Variants in PRKCA observed in about 807,000 individuals in gnomAD.
PRKCA encodes the protein protein kinase C alpha type.
In PRKCA, 27 loss-of-function variants were observed where a neutral mutation model predicts 87.0. That is an observed-to-expected ratio of 0.31 (90% CI 0.23 to 0.43). The LOEUF (loss-of-function observed/expected upper bound fraction) is 0.43, where lower values mean the gene tolerates loss of function less well. Ranked by LOEUF, PRKCA falls within the 20% of genes least tolerant of loss-of-function variation. PRKCA has a pLI of 1.00. For synonymous variants in PRKCA, 329 were observed against 311.1 expected (o/e 1.06, Z -0.61); for missense variants, 518 against 852.3 (o/e 0.61, Z 4.88).
intron 3 of PRKCA, among the ~76,000 whole-genome samples, chr17:66,502,525 G>T (rs1387605033): frequency 6.6e-6 from 1 of 152,060 alleles, no homozygotes; most frequent in Admixed American, 6.6e-5. Context: ...GTGAGCCACT[G>T]TGTCTGGCCC....
intron 2 of PRKCA, among the ~76,000 whole-genome samples, chr17:66,379,674 T>C (rs182350066): frequency 6.6e-6 from 1 of 152,366 alleles, no homozygotes; most frequent in African/African-American, 2.4e-5. Context: ...GTATCATTCA[T>C]GAAAGACTTA....
intron 2 of PRKCA, among the ~76,000 whole-genome samples, chr17:66,473,182 C>T (rs1323108096): frequency 6.6e-6 from 1 of 152,136 alleles, no homozygotes; most frequent in Non-Finnish European, 1.5e-5. Flanking sequence ...CGGTAGCTCA[C>T]TCCTTTGACC....
At chr17:66,399,587 G>T (rs1670955414) in intron 2 of PRKCA, among the ~76,000 whole-genome samples, 1 of 152,138 alleles carries the variant, frequency 6.6e-6, no homozygotes, top group South Asian at 2.1e-4. Flanking sequence ...AACTGAAACT[G>T]TTTGCCTATC....
At chr17:66,458,575 G>A (rs749412440) in intron 2 of PRKCA, among the ~76,000 whole-genome samples, 5 of 151,882 alleles carry the variant, frequency 3.3e-5, no homozygotes, top group Non-Finnish European at 5.9e-5. Context: ...CCACTTCCTG[G>A]GCTCAAGCAA....
At chr17:66,683,442 G>A (rs997573483) in intron 5 of PRKCA, among the ~76,000 whole-genome samples, 2 of 152,308 alleles carry the variant, frequency 1.3e-5, no homozygotes, top group African/African-American at 4.8e-5. Context: ...CTGGTGCCTG[G>A]GTGTCAACCC....
intron 2 of PRKCA, among the ~76,000 whole-genome samples, chr17:66,451,405 G>A (rs995250009): frequency 6.6e-6 from 1 of 151,286 alleles, no homozygotes; most frequent in Admixed American, 6.6e-5. Context: ...CAAGTTCAGT[G>A]GAAGATGCTT....
chr17:66,555,945 G>A (rs1275100556), intron 3 of PRKCA, among the ~76,000 whole-genome samples: 2 of 151,960 alleles, frequency 1.3e-5, no homozygotes, highest in Non-Finnish European at 2.9e-5. Flanking sequence ...GTTAAATATA[G>A]AGCCTTCTCA....
At chr17:66,380,721 T>C (rs2143586217) in intron 2 of PRKCA, among the ~76,000 whole-genome samples, 1 of 152,318 alleles carries the variant, frequency 6.6e-6, no homozygotes, top group Admixed American at 6.5e-5. Flanking sequence ...CATCTAATTG[T>C]AATTACTTAA....
chr17:66,355,334 C>T (rs746268707), intron 2 of PRKCA, among the ~76,000 whole-genome samples: 1 of 152,182 alleles, frequency 6.6e-6, no homozygotes, highest in Non-Finnish European at 1.5e-5. Flanking sequence ...GCTCCTTCCT[C>T]TCCTTGCCTG....
intron 5 of PRKCA, among the ~76,000 whole-genome samples, chr17:66,648,481 A>G (rs1426085707): frequency 6.6e-6 from 1 of 152,240 alleles, no homozygotes; most frequent in African/African-American, 2.4e-5. Context: ...CCAGAGTCAC[A>G]CAGATGGTAA....
At chr17:66,748,545 C>T (rs1181194709) in intron 13 of PRKCA, among the ~76,000 whole-genome samples, 1 of 152,128 alleles carries the variant, frequency 6.6e-6, no homozygotes, top group Non-Finnish European at 1.5e-5. Context: ...GTCAGGGTGG[C>T]CAGGGACTGA....
chr17:66,311,913 T>C (rs73992397), intron 2 of PRKCA, among the ~76,000 whole-genome samples: 1,560 of 152,334 alleles, frequency 0.01, 25 homozygotes, highest in African/African-American at 0.036. Context: ...TTTATCCTCA[T>C]AGGTCGTGAA....
At chr17:66,756,072 G>A (rs1302023272) in intron 13 of PRKCA, among the ~76,000 whole-genome samples, 2 of 152,200 alleles carry the variant, frequency 1.3e-5, no homozygotes, top group Non-Finnish European at 1.5e-5. Flanking sequence ...TCAGTCACGG[G>A]GGCTCCACGC....
At chr17:66,342,768 A>G (rs919978876) in intron 2 of PRKCA, among the ~76,000 whole-genome samples, 15 of 152,210 alleles carry the variant, frequency 9.9e-5, no homozygotes, top group African/African-American at 3.6e-4. Flanking sequence ...CAGCTTTTTA[A>G]ATATTTTCAC....
intron 3 of PRKCA, among the ~76,000 whole-genome samples, chr17:66,528,262 G>A (rs1020471339): frequency 4.6e-5 from 7 of 150,958 alleles, no homozygotes; most frequent in Non-Finnish European, 8.8e-5. Flanking sequence ...AATTGCTGCA[G>A]GTATGTGATT....
intron 2 of PRKCA, among the ~76,000 whole-genome samples, chr17:66,359,660 G>A (rs1415032724): frequency 6.6e-6 from 1 of 152,212 alleles, no homozygotes; most frequent in South Asian, 2.1e-4. Flanking sequence ...AGAGGGGTAA[G>A]TTGAAGGATG....
At chr17:66,720,216 A>G (rs962020798) in intron 8 of PRKCA, among the ~76,000 whole-genome samples, 1 of 152,216 alleles carries the variant, frequency 6.6e-6, no homozygotes, top group African/African-American at 2.4e-5. Context: ...TTGAGCAGAG[A>G]TAGAAGGGAG....
intron 2 of PRKCA, among the ~76,000 whole-genome samples, chr17:66,467,188 G>A (rs1915125079): frequency 1.3e-5 from 2 of 152,086 alleles, no homozygotes; most frequent in Admixed American, 6.5e-5. Flanking sequence ...GGTTTGTATC[G>A]TGGCTTACAG....
intron 2 of PRKCA, among the ~76,000 whole-genome samples, chr17:66,495,046 G>A (rs1034393474): frequency 2.7e-5 from 4 of 148,936 alleles, no homozygotes; most frequent in Non-Finnish European, 4.4e-5. Context: ...AGGCTGCAGT[G>A]AGCCAAGATC....
Sources: allele counts gnomAD v4.1 joint callset (sites outside exome capture counted in the v4.1 genomes callset), GRCh38; gene constraint gnomAD v4.1.1; transcripts MANE v1.5; gene names NCBI Gene and HGNC (gene_info 2026-07-23, HGNC 2026-07-21).